The following GGA2 variants were observed in gnomAD, a reference collection of about 807,000 sequenced individuals.
The protein encoded by GGA2 is golgi associated, gamma adaptin ear containing, ARF binding protein 2.
A neutral mutation model predicts 79.5 loss-of-function variants in GGA2; 48 were observed. That is an observed-to-expected ratio of 0.60 (90% CI 0.48 to 0.77). The LOEUF (loss-of-function observed/expected upper bound fraction) is 0.77, where lower values mean the gene tolerates loss of function less well. GGA2 is among the 30% of genes least tolerant of loss of function. GGA2 has a pLI of 0.00. For missense variants in GGA2, 770 were observed against 774.0 expected, an observed-to-expected ratio of 0.99 and a Z score of 0.06; for synonymous variants, 317 against 302.0, an observed-to-expected ratio of 1.05 and a Z score of -0.51.
Position 23,506,266 on chromosome 16 carries a change from ACGACCCC to A in GGA2, c.91+4048_91+4054del, listed in dbSNP as rs529322154. 2.7e-4 allele frequency among the ~76,000 whole-genome samples: 41 copies of A among 152,254 alleles called. 1 individual carries two copies. In the South Asian group the frequency reaches 8.3e-3, roughly 31 times the overall value. On this transcript the variant is annotated intron_variant, in intron 1 of 16. Transcript: ENST00000309859. ...ATGTCTTGGCCATACTATCAATCCC[ACGACCCC>A]CTTATCCCTCCATTGCAGCACCAAT...
chr16:23,497,350 T>C (rs1289552881), intron 1 of GGA2, among the ~76,000 whole-genome samples: 3 of 152,192 alleles, frequency 2.0e-5, no homozygotes, highest in South Asian at 2.1e-4. Flanking sequence ...TTCCAGCTCC[T>C]GCAGAAAACT....
intron 3 of GGA2, chr16:23,494,055 T>C (rs1964823566): frequency 3.8e-6 from 2 of 526,010 alleles, no homozygotes; most frequent in South Asian, 2.5e-5. Context: ...GAAGGGCAAA[T>C]GAAATAAAAC....
chr16:23,479,760 C>G lies in GGA2; in HGVS notation c.1129+5G>C. ...TGCCTGCTCCCCACAAGCACCTGCC[C>G]TCACCCAAGGCTGCCAGGTCCTGAT... On this transcript the variant is annotated splice_donor_5th_base_variant and intron_variant, in intron 11 of 16. Coordinates refer to ENST00000309859, the MANE Select transcript of GGA2 (RefSeq NM_015044.4). 6.2e-7 allele frequency: 1 copy of G among 1,613,884 alleles called. No homozygotes were observed. Among genetic ancestry groups the G allele is most frequent in the Non-Finnish European group, 8.5e-7 (1 of 1,179,958 alleles).
chr16:23,495,500 T>C, intron 2 of GGA2, 194 bp downstream of exon 2: 1 of 386,940 alleles, frequency 2.6e-6, no homozygotes, highest in Non-Finnish European at 4.6e-6. Flanking sequence ...TCTCACTCTG[T>C]CACCCAGGCA....
At position 23,504,339 on chromosome 16, in the gene GGA2, C is replaced by G. The variant is rs150664872; in HGVS notation, c.91+5982G>C. Among the ~76,000 whole-genome samples the G allele has an allele frequency of 4.3e-4, 66 of 152,342 alleles. No individual in the cohort carries two copies. In the East Asian group the frequency reaches 0.012, roughly 27 times the overall value. ...GGCCTCTCTTGGAAGCCAGCTTGAT[C>G]TTCGTGCTCATAAACTCCTTGAAGG... is the stretch of plus-strand genomic sequence containing the variant. On this transcript the variant is annotated intron_variant, in intron 1 of 16. Coordinates refer to ENST00000309859, the MANE Select transcript of GGA2 (RefSeq NM_015044.4).
upstream of GGA2, among the ~76,000 whole-genome samples, chr16:23,511,808 A>C (rs1965067946): frequency 6.6e-6 from 1 of 152,178 alleles, no homozygotes; most frequent in Non-Finnish European, 1.5e-5. Flanking sequence ...CAGATGTTAT[A>C]ATCAATCCAA....
In GGA2 at chr16:23,486,705, C is replaced by T. The variant is rs1356451596; in HGVS notation, c.660+5G>A. The T allele has an allele frequency of 9.6e-6, 15 of 1,565,504 alleles. No homozygotes were observed. Among genetic ancestry groups the T allele is most frequent in the Non-Finnish European group, 1.3e-5 (15 of 1,135,582 alleles). ...TTCTACTGAACCAACTGGAAGAATG[C>T]CCACCTCCTTGACCAAATTCTTGAT... On this transcript the variant is annotated splice_donor_5th_base_variant and intron_variant, in intron 7 of 16. Coordinates refer to ENST00000309859, the MANE Select transcript of GGA2 (RefSeq NM_015044.4).
chr16:23,468,966 T>C lies in GGA2; in HGVS notation c.1651A>G (p.Ser551Gly). ...GGACTGAATGCAGGAAGCTTGGAGC[T>C]GGATGCCGGCTGCAGCTTCACTCTC... ...SMRVKLQPAS[S>G]SKLPAFSPLM... The change falls in exon 16 of 17, where the codon AGC becomes GGC. Residue 551 changes from serine (S) to glycine (G), a missense_variant. Transcript: ENST00000309859. 1 of 1,611,390 alleles carries C rather than the reference T, an allele frequency of 6.2e-7. No homozygotes were observed. The highest frequency in any genetic ancestry group is 8.5e-7 in the Non-Finnish European group (1 of 1,177,520).
At position 23,486,034 on chromosome 16, in the gene GGA2, G is replaced by T. The variant is rs988469550; in HGVS notation, c.779C>A (p.Pro260His). The T allele has an allele frequency of 9.9e-6, 16 of 1,614,022 alleles. No homozygotes were observed. The highest frequency in any genetic ancestry group is 1.3e-5 in the Non-Finnish European group (15 of 1,180,012). Residue 260 changes from proline to histidine, a missense_variant, in exon 8 of 17, where the codon CCC becomes CAC. Coordinates refer to ENST00000309859, the MANE Select transcript of GGA2 (RefSeq NM_015044.4). ...TATTACCTGCAGGGCCTCCTGGTCG[G>T]GCGGGGCCTGCCCTGGCCTGCGGTA... ...SMYRRPGQAP[P>H]DQEALQVVYE... is the part of the protein sequence containing the mutation.
rs371504605 is a variant in GGA2 at position 23,465,270 on chromosome 16, C to A, written c.*2320G>T. On this transcript the variant is annotated 3_prime_UTR_variant, in exon 17 of 17. Transcript: ENST00000309859. ...AAAATGCTGGGATTATAGGCGTGAGCCACTGTGCACAGCCAATAACTACTT... is the reference window on the plus strand; with the variant it reads ...AAAATGCTGGGATTATAGGCGTGAGACACTGTGCACAGCCAATAACTACTT... The A allele has an allele frequency of 1.7e-5, 12 of 694,664 alleles. No homozygotes were observed. Among genetic ancestry groups the A allele is most frequent in the African/African-American group, 1.0e-4 (6 of 57,270 alleles). The allele number at this position is 694,664 out of a possible 1,614,324, so 43.0% of individuals were successfully genotyped here.
In GGA2 at chr16:23,470,096, C is replaced by T; in HGVS notation, c.1520G>A (p.Gly507Glu). 2 of 1,610,650 alleles carry T rather than the reference C, an allele frequency of 1.2e-6. No homozygotes were observed. Among genetic ancestry groups the T allele is most frequent in the South Asian group, 1.1e-5 (1 of 89,976 alleles). ...FRILLHFSQT[G>E]APGHPEVQVL... ...CTGTACCTCTGGGTGCCCAGGGGCT[C>T]CCGTCTGGGAGAAGTGGAGCAGAAT... is the stretch of plus-strand genomic sequence containing the variant. Residue 507 changes from glycine (G) to glutamate (E), a missense_variant, in exon 15 of 17, where the codon GGA becomes GAA. Gly to Glu is a moderately conservative substitution (Grantham distance 98). Coordinates refer to ENST00000309859, the MANE Select transcript of GGA2 (RefSeq NM_015044.4).
chr16:23,520,175 C>T (rs1965127906), intron 1 of GGA2, among the ~76,000 whole-genome samples: 1 of 151,102 alleles, frequency 6.6e-6, no homozygotes, highest in African/African-American at 2.4e-5. Flanking sequence ...ACCACTTGAA[C>T]CCGGGAAGTG....
At chr16:23,493,563 A>C (rs750966415) in intron 3 of GGA2, 105 bp from the exon 4 acceptor site, 14 of 750,832 alleles carry the variant, frequency 1.9e-5, no homozygotes, top group Admixed American at 6.0e-5. Context: ...ACCAAGGCTA[A>C]CCCTGCCTCA....
Position 23,510,488 on chromosome 16 carries a change from T to G in GGA2, c.-77A>C. The G allele has an allele frequency of 9.5e-6, 5 of 526,832 alleles. No homozygotes were observed. Among genetic ancestry groups the G allele is most frequent in the Non-Finnish European group, 1.5e-5 (5 of 338,318 alleles). The allele number at this position is 526,832 out of a possible 1,614,324, so 32.6% of individuals were successfully genotyped here. On this transcript the variant is annotated 5_prime_UTR_variant, in exon 1 of 17. Transcript: ENST00000309859. ...GTAGCGTCCTGGCGCTCTCCTCTGC[T>G]GACTGCGCGGCAGGAGCGGTGGACA...
At chr16:23,479,993 G>T in intron 10 of GGA2, 106 bp from the exon 11 acceptor site, 1 of 960,404 alleles carries the variant, frequency 1.0e-6, no homozygotes. Context: ...AAATGGTAAC[G>T]CCCTCCCTGC....
chr16:23,522,721 G>A (rs1245295855), upstream of GGA2: 1 of 152,154 alleles, frequency 6.6e-6, no homozygotes, highest in Non-Finnish European at 1.5e-5. Context: ...CCCAAACCAA[G>A]TAGCTTTAAA....
chr16:23,504,447 T>G (rs974890211), intron 1 of GGA2, among the ~76,000 whole-genome samples: 2 of 152,242 alleles, frequency 1.3e-5, no homozygotes, highest in Admixed American at 1.3e-4. Context: ...AATGAACGAT[T>G]CCTCTTTTGC....
intron 16 of GGA2, among the ~76,000 whole-genome samples, chr16:23,468,249 C>T (rs896809891): frequency 2.0e-5 from 3 of 152,128 alleles, no homozygotes; most frequent in Admixed American, 2.0e-4. Context: ...GCGATCTTGG[C>T]TCACTGCAAC....
intron 4 of GGA2, 52 bp downstream of exon 4, chr16:23,493,308 G>T: frequency 9.3e-7 from 1 of 1,073,840 alleles, no homozygotes; most frequent in South Asian, 1.2e-5. Flanking sequence ...CCAGGAGTTT[G>T]ACAGTGGGCG....
Sources: gnomAD v4.1 joint callset for allele counts (sites outside exome capture counted in the v4.1 genomes callset) on GRCh38, gnomAD v4.1.1 for gene constraint, MANE v1.5 for transcripts, NCBI Gene and HGNC (gene_info 2026-07-23, HGNC 2026-07-21) for gene names.